Variants in CHD8 observed in about 807,000 individuals in gnomAD.
The protein encoded by CHD8 is ATP-dependent chromatin remodeler CHD8.
Under a neutral mutation model 279.2 loss-of-function variants are expected in CHD8, and 31 were observed. The observed-to-expected ratio is 0.11, with a 90% CI of 0.08 to 0.15. CHD8 has a LOEUF of 0.15. CHD8 is among the 10% of genes least tolerant of loss of function. CHD8 has a pLI of 1.00. For synonymous variants in CHD8, 1,081 were observed against 1,139.6 expected, an observed-to-expected ratio of 0.95 and a Z score of 1.04; for missense variants, 2,146 against 3,230.5, an observed-to-expected ratio of 0.66 and a Z score of 8.14.
At chr14:21,434,134 C>A (rs887552050) in intron 1 of CHD8, among the ~76,000 whole-genome samples, 1 of 151,482 alleles carries the variant, frequency 6.6e-6, no homozygotes, top group South Asian at 2.1e-4. Flanking sequence ...CAACCTCTAC[C>A]TCCTGGGTTC....
rs982127757 is a variant in CHD8 at position 21,437,331 on chromosome 14, A to G, written c.-215-5473T>C. On this transcript the variant is annotated intron_variant, in intron 1 of 37. Coordinates refer to ENST00000646647, the MANE Select transcript of CHD8 (RefSeq NM_001170629.2). ...GCTGAAGCGCACTGCCACTCACCAA[A>G]GGCGAAAAGACGCAAAACAGCGCAA... The G allele has an allele frequency of 1.4e-5, 15 of 1,038,074 alleles. No individual in the cohort carries two copies. The African/African-American group carries it at 2.5e-4, about 17-fold the overall frequency. 64.3% of individuals were successfully genotyped at this position (1,038,074 alleles called of 1,614,324 possible). A position where few individuals can be genotyped will look rare whatever the true frequency, so the allele number is the denominator to read the frequency against.
At chr14:21,451,571 CAAAAAAAAAAAAA>C (rs969355375) in intron 1 of CHD8, among the ~76,000 whole-genome samples, 11 of 31,634 alleles carry the variant, frequency 3.5e-4, no homozygotes, top group Admixed American at 1.0e-3. Flanking sequence ...GACTCTGTCT[CAAAAAAAAAAAAA>C]AAAAAAAAAA....
At chr14:21,432,080 C>T (rs540263583) in intron 1 of CHD8, among the ~76,000 whole-genome samples, 1 of 152,310 alleles carries the variant, frequency 6.6e-6, no homozygotes, top group South Asian at 2.1e-4. Context: ...TGGGCACTTA[C>T]ACCTACAAAC....
intron 1 of CHD8, among the ~76,000 whole-genome samples, chr14:21,445,956 T>C (rs1890107589): frequency 6.6e-6 from 1 of 151,194 alleles, no homozygotes; most frequent in Non-Finnish European, 1.5e-5. Context: ...GCTGAGATCG[T>C]GCCACTGCAC....
At chr14:21,410,938 T>C (rs534173926) in intron 10 of CHD8, among the ~76,000 whole-genome samples, 1 of 152,320 alleles carries the variant, frequency 6.6e-6, no homozygotes, top group South Asian at 2.1e-4. Flanking sequence ...TCCAGCATAA[T>C]ATCTATTTAT....
chr14:21,443,059 A>G (rs1890023033), intron 1 of CHD8, among the ~76,000 whole-genome samples: 1 of 152,182 alleles, frequency 6.6e-6, no homozygotes, highest in Non-Finnish European at 1.5e-5. Flanking sequence ...GTAAATAACT[A>G]ATTTTTTAAG....
rs943216462 is a variant in CHD8 at position 21,403,841 on chromosome 14, G to A, written c.3308-178C>T. ...CGGCTGGGTACGGTGGCTCATGCCT[G>A]TAATCCCAACACTTTGGGAGGCCGA... On this transcript the variant is annotated intron_variant, in intron 16 of 37. Transcript: ENST00000646647. The surrounding 1 kb of genome is among the most constrained non-coding windows in gnomAD (Gnocchi z 4.3). Among the ~76,000 whole-genome samples the A allele has an allele frequency of 6.6e-6, 1 of 152,198 alleles. No individual in the cohort carries two copies. The highest frequency in any genetic ancestry group is 2.4e-5 in the African/African-American group (1 of 41,458).
chr14:21,386,125 G>C lies in CHD8; in HGVS notation c.7234C>G (p.Pro2412Ala), dbSNP rs761509065. ...FNRVLPGPIA[P>A]ESSKKRARRM... The stretch of plus-strand genomic sequence containing the variant: ...CGGGCCCGCTTCTTGCTGCTCTCTG[G>C]TGCAATAGGCCCTGGCAAAACCCGG... Residue 2412 changes from proline (P) to alanine (A), a missense_variant, in exon 38 of 38, where the codon CCA (proline) becomes GCA (alanine). Physicochemically the swap from Pro to Ala is conservative, Grantham distance 27. Coordinates refer to ENST00000646647, the MANE Select transcript of CHD8 (RefSeq NM_001170629.2). 76 of 1,553,398 alleles carry C rather than the reference G, an allele frequency of 4.9e-5. No individual in the cohort carries two copies. In the East Asian group the frequency reaches 1.8e-3, roughly 37 times the overall value.
chr14:21,414,514 A>C (rs1888635299), intron 8 of CHD8, 96 bp from the exon 9 acceptor site: 1 of 673,796 alleles, frequency 1.5e-6, no homozygotes, highest in Non-Finnish European at 2.6e-6. Context: ...AGACATAACA[A>C]ATACAGGCTT....
intron 30 of CHD8, 120 bp from the exon 31 acceptor site, chr14:21,394,605 CAA>C (rs3068337): frequency 0.025 from 2,663 of 107,750 alleles, no homozygotes; most frequent in Middle Eastern, 0.071. Flanking sequence ...AAAGTAGACG[CAA>C]AAAAAAAAAA....
intron 1 of CHD8, chr14:21,436,878 T>TG (rs772901543): frequency 2.6e-5 from 19 of 743,280 alleles, no homozygotes; most frequent in East Asian, 2.0e-4. Context: ...GGGGTGGGGG[T>TG]GGGGGGGACC....
chr14:21,394,223 AAC>A (rs1353953160), intron 31 of CHD8, 28 bp from the exon 32 acceptor site: 3 of 1,611,222 alleles, frequency 1.9e-6, no homozygotes, highest in Non-Finnish European at 2.5e-6. Context: ...AGAAGAAATT[AAC>A]AGAGTTGCTT....
At chr14:21,420,086 C>T (rs1888953772) in intron 5 of CHD8, 1 of 155,380 alleles carries the variant, frequency 6.4e-6, no homozygotes, top group Admixed American at 6.5e-5. Context: ...TCGGCCACCC[C>T]AGCTTTCTCT....
chr14:21,431,331 G>A lies in CHD8; in HGVS notation c.313C>T (p.Pro105Ser). The A allele has an allele frequency of 6.5e-7, 1 of 1,541,118 alleles. No homozygotes were observed. The highest frequency in any genetic ancestry group is 1.2e-5 in the South Asian group (1 of 84,436). Residue 105 changes from proline (P) to serine (S), a missense_variant, in exon 2 of 38, where the codon CCA becomes TCA. Physicochemically the swap from Pro to Ser is moderately conservative, Grantham distance 74. Transcript: ENST00000646647. ...GATGTCTGTAAGACAGGTTGGGCTG[G>A]CTGCTCCTGGCTGGCAGGCTGAGTG... ...YTTQPASQEQ[P>S]AQPVLQTSTP...
rs200180762 is a variant in CHD8, at chr14:21,403,575, G to C, written c.3396C>G (p.Ala1132=). The change falls in exon 17 of 38, where the codon GCC becomes GCG. Residue 1132 remains alanine, a synonymous_variant. Coordinates refer to ENST00000646647, the MANE Select transcript of CHD8 (RefSeq NM_001170629.2). The surrounding 1 kb of genome is among the most constrained non-coding windows in gnomAD (Gnocchi z 4.3). ...ACTTGTCAATAAGAACCAGTTTGCC[G>C]GCTGAACGAACCATGGCCTGCAGGT... ...DFHLQAMVRS[A]GKLVLIDKLL... 4 of 1,612,408 alleles carry C rather than the reference G, an allele frequency of 2.5e-6. No homozygotes were observed. The African/African-American group carries it at 5.3e-5, about 22-fold the overall frequency.
At chr14:21,401,713 T>G (rs1347406976) in intron 20 of CHD8, 200 bp from the exon 21 acceptor site, 1 of 580,030 alleles carries the variant, frequency 1.7e-6, no homozygotes, top group Admixed American at 3.4e-5. Context: ...GCCTCCCGAG[T>G]AGCTGGGACG....
chr14:21,389,415 A>G (rs1384457884), intron 37 of CHD8, among the ~76,000 whole-genome samples: 2 of 152,172 alleles, frequency 1.3e-5, no homozygotes, highest in African/African-American at 2.4e-5. Context: ...GTTTGAGAAC[A>G]GTCTGGCCAA....
rs1376167904 is a variant in CHD8 at position 21,408,286 on chromosome 14, T to C, written c.2730+26A>G. On this transcript the variant is annotated intron_variant, in intron 13 of 37. Transcript: ENST00000646647. This position sits in a 1 kb window ranked among gnomAD's most constrained non-coding sequence, Gnocchi z 4.3. ...ACCTTGGCCGACTTTCTCTAACTCA[T>C]AGTATTCCCAAGACATGCAACTCAC... The C allele has an allele frequency of 5.6e-6, 9 of 1,603,260 alleles. No individual in the cohort carries two copies. The highest frequency in any genetic ancestry group is 7.7e-6 in the Non-Finnish European group (9 of 1,174,608).
chr14:21,417,044 G>A (rs1452666136), intron 5 of CHD8, among the ~76,000 whole-genome samples: 1 of 152,088 alleles, frequency 6.6e-6, no homozygotes, highest in African/African-American at 2.4e-5. Context: ...AGGTTGCAGT[G>A]AGCAAACTTC....
Sources: gnomAD v4.1 joint callset for allele counts (sites outside exome capture counted in the v4.1 genomes callset) on GRCh38, gnomAD v4.1.1 for gene constraint, Gnocchi (gnomAD v3.1) non-coding constraint, MANE v1.5 for transcripts, NCBI Gene and HGNC (gene_info 2026-07-23, HGNC 2026-07-21) for gene names.